RARB: variants seen among roughly 807,000 people sequenced by gnomAD.
RARB encodes HBV-activated protein.
Under a neutral mutation model 51.9 loss-of-function variants are expected in RARB, and 17 were observed. That is an observed-to-expected ratio of 0.33 (90% CI 0.22 to 0.49). The LOEUF (loss-of-function observed/expected upper bound fraction) is 0.49, where lower values mean the gene tolerates loss of function less well. RARB is among the 20% of genes least tolerant of loss of function. The pLI, the probability that RARB is intolerant of heterozygous loss-of-function variation, is 0.99. For synonymous variants in RARB, 215 were observed against 195.4 expected (o/e 1.10, Z -0.84); for missense variants, 369 against 550.8 (o/e 0.67, Z 3.30).
intron 2 of RARB, among the ~76,000 whole-genome samples, chr3:24,912,321 C>G (rs926576544): frequency 6.6e-5 from 10 of 152,130 alleles, no homozygotes; most frequent in African/African-American, 2.4e-4. Context: ...TCCATTTGTT[C>G]TACAAAAGGA....
At chr3:24,962,422 C>T (rs977935638) in intron 2 of RARB, among the ~76,000 whole-genome samples, 4 of 152,132 alleles carry the variant, frequency 2.6e-5, no homozygotes, top group Non-Finnish European at 5.9e-5. Context: ...AGATATGTCT[C>T]AAGGCACTGC....
At chr3:25,065,107 C>T (rs766727931) in intron 3 of RARB, among the ~76,000 whole-genome samples, 6 of 144,718 alleles carry the variant, frequency 4.1e-5, no homozygotes, top group Admixed American at 6.8e-5. Flanking sequence ...ATTTTAAATA[C>T]GACTCTAGAA....
chr3:25,516,123 T>G (rs1216617674), intron 3 of RARB, among the ~76,000 whole-genome samples: 1 of 152,234 alleles, frequency 6.6e-6, no homozygotes, highest in Admixed American at 6.5e-5. Context: ...CTACTCCTAG[T>G]TCCCTGACTA....
intron 5 of RARB, among the ~76,000 whole-genome samples, chr3:25,210,232 C>T (rs12495670): frequency 1.3e-5 from 2 of 152,168 alleles, no homozygotes; most frequent in African/African-American, 4.8e-5. Context: ...TTAGTGAATT[C>T]TGGAGAAAAT....
chr3:25,557,720 T>C (rs928558198), intron 3 of RARB, among the ~76,000 whole-genome samples: 1 of 152,108 alleles, frequency 6.6e-6, no homozygotes, highest in Non-Finnish European at 1.5e-5. Context: ...CCTATACCCC[T>C]AATCATTTCT....
chr3:25,510,073 G>C (rs1022825244), intron 3 of RARB, among the ~76,000 whole-genome samples: 1 of 152,178 alleles, frequency 6.6e-6, no homozygotes, highest in Non-Finnish European at 1.5e-5. Context: ...TTTACTAATG[G>C]CAACAGCCCC....
At chr3:25,344,654 T>C (rs1705333310) in intron 5 of RARB, among the ~76,000 whole-genome samples, 1 of 152,228 alleles carries the variant, frequency 6.6e-6, no homozygotes, top group Admixed American at 6.5e-5. Context: ...TTGACACAGC[T>C]TGGCAAGCTC....
intron 3 of RARB, among the ~76,000 whole-genome samples, chr3:25,067,099 C>A (rs1009723816): frequency 6.6e-6 from 1 of 152,198 alleles, no homozygotes; most frequent in Non-Finnish European, 1.5e-5. Flanking sequence ...CATACACCCA[C>A]TGAGAAGGGC....
At position 25,002,279 on chromosome 3, in the gene RARB, G is replaced by C. The variant is rs1047601626; in HGVS notation, c.-379-57846G>C. Among the ~76,000 whole-genome samples the C allele has an allele frequency of 2.0e-5, 3 of 152,168 alleles. No homozygotes were observed. The South Asian group carries it at 6.2e-4, about 32-fold the overall frequency. On this transcript the variant is annotated intron_variant, in intron 2 of 11. Transcript: ENST00000383772. ...TTATCAGGCTTCCTGTCAGCTTCAG[G>C]AGATAGACAAGATCGTTTACATCTC...
intron 3 of RARB, among the ~76,000 whole-genome samples, chr3:25,512,753 A>G (rs984719595): frequency 6.6e-6 from 1 of 152,142 alleles, no homozygotes; most frequent in Non-Finnish European, 1.5e-5. Flanking sequence ...TCTCCATGCT[A>G]TGAAGTGTTA....
At chr3:25,158,752 C>T (rs959595080) in intron 4 of RARB, among the ~76,000 whole-genome samples, 1 of 152,156 alleles carries the variant, frequency 6.6e-6, no homozygotes, top group African/African-American at 2.4e-5. Context: ...ATTTATTTCT[C>T]ACTAATGTCA....
rs935516643 is a variant in RARB at position 25,428,337 on chromosome 3, C to G, written c.-395C>G. The stretch of plus-strand genomic sequence containing the variant: ...CTTTGCCAAAGGGGGGACCAGAATT[C>G]CCCCATGCGAGCTGTTTGAGGACTG... On this transcript the variant is annotated 5_prime_UTR_variant, in exon 1 of 8. Coordinates refer to ENST00000330688, the MANE Select transcript of RARB (RefSeq NM_000965.5). 13 of 1,246,350 alleles carry G rather than the reference C, an allele frequency of 1.0e-5. No homozygotes were observed. The highest frequency in any genetic ancestry group is 3.9e-5 in the Admixed American group (1 of 25,886). 77.2% of individuals were successfully genotyped at this position (1,246,350 alleles called of 1,614,324 possible). A position where few individuals can be genotyped will look rare whatever the true frequency, so the allele number is the denominator to read the frequency against.
intron 2 of RARB, among the ~76,000 whole-genome samples, chr3:24,908,742 A>G (rs1487718241): frequency 6.7e-6 from 1 of 149,244 alleles, no homozygotes; most frequent in African/African-American, 2.5e-5. Flanking sequence ...ATATTAATGA[A>G]AAAAAGGAAA....
intron 5 of RARB, among the ~76,000 whole-genome samples, chr3:25,245,160 A>G (rs1190264861): frequency 2.6e-5 from 4 of 152,046 alleles, no homozygotes; most frequent in Non-Finnish European, 5.9e-5. Context: ...TTGCTTGGTA[A>G]ATCTTCCTCC....
intron 3 of RARB, among the ~76,000 whole-genome samples, chr3:25,562,925 C>G (rs1700331254): frequency 6.6e-6 from 1 of 152,216 alleles, no homozygotes; most frequent in South Asian, 2.1e-4. Flanking sequence ...TAACATACCA[C>G]TTTAACCACA....
intron 5 of RARB, among the ~76,000 whole-genome samples, chr3:25,365,607 A>G (rs1385203902): frequency 6.6e-6 from 1 of 152,180 alleles, no homozygotes; most frequent in African/African-American, 2.4e-5. Context: ...CTAGGGTCTC[A>G]GCAAAAAAAT....
chr3:24,988,881 A>G (rs559791573), intron 2 of RARB, among the ~76,000 whole-genome samples: 2 of 152,242 alleles, frequency 1.3e-5, no homozygotes, highest in African/African-American at 4.8e-5. Flanking sequence ...GCTGGAGTGC[A>G]GTGGCGCAAT....
In RARB at chr3:25,376,943, T is replaced by C. The variant is rs960945322; in HGVS notation, c.179-84250T>C. 2.0e-5 allele frequency among the ~76,000 whole-genome samples: 3 copies of C among 152,244 alleles called. No homozygotes were observed. In the East Asian group the frequency reaches 5.8e-4, roughly 29 times the overall value. ...GTGTGCCATGTGTAAAAGATGGTGT[T>C]AGTGGGACCTGGGTGGCTCATTTCA... is the stretch of plus-strand genomic sequence containing the variant. On this transcript the variant is annotated intron_variant, in intron 5 of 11. Transcript: ENST00000383772.
At chr3:24,970,018 C>T (rs1696358558) in intron 2 of RARB, among the ~76,000 whole-genome samples, 1 of 151,976 alleles carries the variant, frequency 6.6e-6, no homozygotes, top group Admixed American at 6.6e-5. Flanking sequence ...AGTCAACAAA[C>T]GTTATATAAA....
Sources: allele counts gnomAD v4.1 joint callset (sites outside exome capture counted in the v4.1 genomes callset), GRCh38; gene constraint gnomAD v4.1.1; transcripts MANE v1.5; gene names NCBI Gene and HGNC (gene_info 2026-07-23, HGNC 2026-07-21).